IL1RAPL1: variants seen among roughly 807,000 people sequenced by gnomAD.
The protein encoded by IL1RAPL1 is interleukin 1 receptor accessory protein like 1.
A neutral mutation model predicts 48.4 loss-of-function variants in IL1RAPL1; 3 were observed. The ratio of observed to expected loss-of-function variants is 0.06; its 90% confidence interval spans 0.03 to 0.16. The LOEUF (loss-of-function observed/expected upper bound fraction) is 0.16. IL1RAPL1 is among the 10% of genes least tolerant of loss of function. The pLI is 1.00. For synonymous variants in IL1RAPL1, 185 were observed against 187.7 expected, an observed-to-expected ratio of 0.99 and a Z score of 0.12; for missense variants, 349 against 530.6, an observed-to-expected ratio of 0.66 and a Z score of 3.36.
intron 6 of IL1RAPL1, among the ~76,000 whole-genome samples, chrX:29,758,886 A>C (rs1215861829): frequency 9.0e-6 from 1 of 111,150 alleles, no homozygotes; most frequent in African/African-American, 3.3e-5. Flanking sequence ...AGTGCAAACC[A>C]CCCATGCTTC....
intron 2 of IL1RAPL1, among the ~76,000 whole-genome samples, chrX:29,065,329 C>A (rs1927431479): frequency 9.0e-6 from 1 of 111,306 alleles, no homozygotes; most frequent in Admixed American, 9.6e-5. Flanking sequence ...TCTTTCAGTA[C>A]TTTGAGTATG....
At chrX:29,560,556 A>ATTTTTTTTTTTTTTTTTTTTTTTT (rs1171604826) in intron 5 of IL1RAPL1, among the ~76,000 whole-genome samples, 1 of 111,322 alleles carries the variant, frequency 9.0e-6, no homozygotes, top group South Asian at 3.7e-4. Context: ...CTTCTGTACT[A>ATTTTTTTTTTTTTTTTTTTTTTTT]TTTTTTATTT....
intron 5 of IL1RAPL1, among the ~76,000 whole-genome samples, chrX:29,626,063 A>G (rs1924606812): frequency 8.9e-6 from 1 of 112,253 alleles, no homozygotes; most frequent in Non-Finnish European, 1.9e-5. Context: ...TCATCTCATT[A>G]TGTAATTGTG....
intron 2 of IL1RAPL1, among the ~76,000 whole-genome samples, chrX:29,226,205 A>G (rs986094064): frequency 8.9e-6 from 1 of 111,757 alleles, no homozygotes; most frequent in Non-Finnish European, 1.9e-5. Flanking sequence ...GTTGTGTACA[A>G]TATTTATAGA....
intron 2 of IL1RAPL1, among the ~76,000 whole-genome samples, chrX:29,180,721 C>T (rs1399293145): frequency 4.5e-5 from 5 of 111,655 alleles, no homozygotes; most frequent in East Asian, 2.8e-4. Flanking sequence ...GTGGAACCTC[C>T]ATTAGGCTAT....
At chrX:29,430,011 C>T (rs774195841) in intron 5 of IL1RAPL1, among the ~76,000 whole-genome samples, 2 of 106,788 alleles carry the variant, frequency 1.9e-5, no homozygotes, top group Non-Finnish European at 3.9e-5. Flanking sequence ...GCAGTCCTCC[C>T]TCCTCAGCCT....
At position 29,191,374 on chromosome X, in the gene IL1RAPL1, G is replaced by A. The variant is rs201007744; in HGVS notation, c.83-91564G>A. ...ACCTAGTCCGCATTTTATAACCCTC[G>A]GAGTCACTTTCAGGAGAAAAAAGAA... On this transcript the variant is annotated intron_variant, in intron 2 of 10. Coordinates refer to ENST00000378993, the MANE Select transcript of IL1RAPL1 (RefSeq NM_014271.4). Among the ~76,000 whole-genome samples, 53 of 110,989 alleles carry A rather than the reference G, an allele frequency of 4.8e-4. 1 individual carries two copies. The highest frequency in any genetic ancestry group is 9.2e-3 in the Middle Eastern group (2 of 217).
At chrX:29,439,497 G>T (rs889760627) in intron 5 of IL1RAPL1, among the ~76,000 whole-genome samples, 2 of 111,408 alleles carry the variant, frequency 1.8e-5, no homozygotes, top group Admixed American at 9.6e-5. Context: ...TCAAAATTGC[G>T]TGGCAAAAGG....
intron 1 of IL1RAPL1, among the ~76,000 whole-genome samples, chrX:28,602,047 G>C (rs1305045016): frequency 9.4e-6 from 1 of 106,027 alleles, no homozygotes; most frequent in Non-Finnish European, 1.9e-5. Flanking sequence ...GGAGGTTACA[G>C]TGAGCCGAAA....
intron 6 of IL1RAPL1, among the ~76,000 whole-genome samples, chrX:29,802,834 T>TATGTATGC (rs1929985806): frequency 5.0e-5 from 4 of 79,475 alleles, no homozygotes; most frequent in African/African-American, 2.2e-4. Flanking sequence ...TGTATACATA[T>TATGTATGC]ATGTATACAT....
chrX:29,026,398 C>T lies in IL1RAPL1; in HGVS notation c.82+236973C>T, dbSNP rs189231156. On this transcript the variant is annotated intron_variant, in intron 2 of 10. Transcript: ENST00000378993. ...ATTTTAATATAAATGTAGTTATTCACACACCAGGGCCAGTTGGGTGGTGGG... is the reference window on the plus strand; with the variant it reads ...ATTTTAATATAAATGTAGTTATTCATACACCAGGGCCAGTTGGGTGGTGGG... Among the ~76,000 whole-genome samples the T allele has an allele frequency of 4.4e-3, 486 of 110,960 alleles. 4 individuals carry two copies. The highest frequency in any genetic ancestry group is 0.015 in the African/African-American group (463 of 30,511).
intron 2 of IL1RAPL1, among the ~76,000 whole-genome samples, chrX:28,968,583 G>T: frequency 8.9e-6 from 1 of 112,267 alleles, no homozygotes; most frequent in Non-Finnish European, 1.9e-5. Context: ...ATAACCAAGG[G>T]AAATTGTTAA....
At chrX:29,332,608 TTTTATTTATTTATTTATTTA>T (rs143450419) in intron 3 of IL1RAPL1, among the ~76,000 whole-genome samples, 4 of 90,084 alleles carry the variant, frequency 4.4e-5, no homozygotes, top group East Asian at 3.4e-4. Flanking sequence ...TTGGCCCATA[TTTTATTTATTTATTTATTTA>T]TTTATTTATT....
intron 2 of IL1RAPL1, among the ~76,000 whole-genome samples, chrX:28,900,952 A>G (rs1039089126): frequency 8.9e-6 from 1 of 112,108 alleles, no homozygotes; most frequent in African/African-American, 3.2e-5. Flanking sequence ...TACTAGGTCC[A>G]TTACATAGTA....
intron 6 of IL1RAPL1, among the ~76,000 whole-genome samples, chrX:29,898,750 A>G (rs973728272): frequency 2.7e-5 from 3 of 112,150 alleles, no homozygotes; most frequent in African/African-American, 9.7e-5. Context: ...TCATTTTCCT[A>G]AAGACAAGAA....
At chrX:29,406,531 G>A (rs913328696) in intron 5 of IL1RAPL1, among the ~76,000 whole-genome samples, 1 of 111,649 alleles carries the variant, frequency 9.0e-6, no homozygotes, top group African/African-American at 3.3e-5. Flanking sequence ...TAATATTTAG[G>A]TTGGTGCAAA....
At chrX:28,960,345 G>A (rs1388000524) in intron 2 of IL1RAPL1, among the ~76,000 whole-genome samples, 1 of 111,497 alleles carries the variant, frequency 9.0e-6, no homozygotes, top group Non-Finnish European at 1.9e-5. Flanking sequence ...GTATTTCCCA[G>A]TATGTGTCTT....
At chrX:28,914,716 A>C (rs755079031) in intron 2 of IL1RAPL1, among the ~76,000 whole-genome samples, 3 of 112,522 alleles carry the variant, frequency 2.7e-5, no homozygotes, top group Non-Finnish European at 1.9e-5. Context: ...CCAGCTAAAC[A>C]AACAAGGTTG....
At chrX:29,173,942 C>T (rs1245339243) in intron 2 of IL1RAPL1, among the ~76,000 whole-genome samples, 4 of 107,041 alleles carry the variant, frequency 3.7e-5, no homozygotes, top group African/African-American at 6.8e-5. Flanking sequence ...TTTTTTGAGA[C>T]GGAGTTTCAC....
Sources: allele counts gnomAD v4.1 joint callset (sites outside exome capture counted in the v4.1 genomes callset), GRCh38; gene constraint gnomAD v4.1.1; transcripts MANE v1.5; gene names NCBI Gene and HGNC (gene_info 2026-07-23, HGNC 2026-07-21).